Variants in CCDC102B observed in about 807,000 individuals in gnomAD.
CCDC102B encodes the protein coiled-coil domain-containing protein 102B.
CCDC102B carries 75 observed loss-of-function variants against 57.4 expected under a neutral mutation model. That is an observed-to-expected ratio of 1.31 (90% confidence interval 1.08 to 1.58). The LOEUF (loss-of-function observed/expected upper bound fraction) is 1.58. Ranked by LOEUF, CCDC102B falls within the 40% of genes most tolerant of loss-of-function variation. The pLI, the probability that CCDC102B is intolerant of heterozygous loss-of-function variation, is 0.00. For synonymous variants in CCDC102B, 206 were observed against 201.9 expected (o/e 1.02, Z -0.17); for missense variants, 636 against 582.6 (o/e 1.09, Z -0.94).
At chr18:68,751,806 A>G (rs1435669974) in intron 2 of CCDC102B, among the ~76,000 whole-genome samples, 1 of 152,214 alleles carries the variant, frequency 6.6e-6, no homozygotes, top group East Asian at 1.9e-4. Flanking sequence ...AACATTCAGG[A>G]AGATAATGAC....
intron 6 of CCDC102B, among the ~76,000 whole-genome samples, chr18:68,917,870 T>A (rs1368900340): frequency 6.6e-6 from 1 of 152,196 alleles, no homozygotes; most frequent in Non-Finnish European, 1.5e-5. Flanking sequence ...TATAAAAAGT[T>A]ATTTTTATTG....
intron 6 of CCDC102B, among the ~76,000 whole-genome samples, chr18:69,002,148 T>C (rs953314124): frequency 2.0e-5 from 3 of 152,174 alleles, no homozygotes; most frequent in African/African-American, 7.2e-5. Flanking sequence ...GAGAACACTG[T>C]ATCAGCTTGA....
chr18:69,048,615 G>A (rs1289023473), intron 7 of CCDC102B, among the ~76,000 whole-genome samples: 2 of 151,838 alleles, frequency 1.3e-5, no homozygotes, highest in African/African-American at 2.4e-5. Flanking sequence ...ATATTATTTG[G>A]GAGTTCATTA....
intron 6 of CCDC102B, among the ~76,000 whole-genome samples, chr18:68,977,983 C>T (rs2050485091): frequency 6.6e-6 from 1 of 151,960 alleles, no homozygotes; most frequent in Non-Finnish European, 1.5e-5. Flanking sequence ...GTGGTCTACT[C>T]CCTACCTGTG....
At chr18:68,902,669 T>G (rs2040496134) in intron 6 of CCDC102B, among the ~76,000 whole-genome samples, 1 of 152,204 alleles carries the variant, frequency 6.6e-6, no homozygotes, top group South Asian at 2.1e-4. Context: ...TGTTGCAGCT[T>G]CTGGCAGCCC....
In CCDC102B at chr18:68,836,846, A is replaced by G. The variant is rs2093692404; in HGVS notation, c.83A>G (p.Asp28Gly). The change falls in exon 2 of 8, where the codon GAC becomes GGC. Residue 28 changes from aspartate (D) to glycine (G), a missense_variant. Coordinates refer to ENST00000360242, the MANE Select transcript of CCDC102B (RefSeq NM_024781.3). ...CAATCATCAATTAAGTCACGCGGCGACATGGTGGCACCTGCCTCACCCCCC... is the reference window on the plus strand; with the variant it reads ...CAATCATCAATTAAGTCACGCGGCGGCATGGTGGCACCTGCCTCACCCCCC... ...MQQSSIKSRG[D>G]MVAPASPPRD... 6.2e-6 allele frequency: 10 copies of G among 1,613,904 alleles called. No individual in the cohort carries two copies. Among genetic ancestry groups the G allele is most frequent in the Admixed American group, 3.3e-5 (2 of 59,996 alleles).
intron 7 of CCDC102B, among the ~76,000 whole-genome samples, chr18:69,020,275 G>C (rs1179142161): frequency 1.3e-5 from 2 of 152,024 alleles, no homozygotes; most frequent in Admixed American, 6.6e-5. Context: ...GTTCTATTTT[G>C]AGTAAGAGGA....
intron 6 of CCDC102B, among the ~76,000 whole-genome samples, chr18:68,913,008 C>G (rs1224796319): frequency 6.6e-6 from 1 of 152,104 alleles, no homozygotes; most frequent in African/African-American, 2.4e-5. Flanking sequence ...TGTACTCTTT[C>G]TAGTTGCTGG....
At chr18:69,030,726 C>T (rs2052117239) in intron 7 of CCDC102B, among the ~76,000 whole-genome samples, 1 of 152,164 alleles carries the variant, frequency 6.6e-6, no homozygotes, top group Admixed American at 6.5e-5. Context: ...GTGATCTCGG[C>T]TCACTGCAAC....
intron 4 of CCDC102B, among the ~76,000 whole-genome samples, chr18:68,860,483 A>C (rs1028762770): frequency 2.3e-5 from 3 of 131,682 alleles, no homozygotes; most frequent in African/African-American, 5.5e-5. Flanking sequence ...AACAAAAAAA[A>C]AAAAAGACAC....
chr18:68,799,855 A>G (rs996074874), intron 1 of CCDC102B, among the ~76,000 whole-genome samples: 1 of 152,172 alleles, frequency 6.6e-6, no homozygotes, highest in African/African-American at 2.4e-5. Context: ...CAGACGTTGT[A>G]CTCAATACAT....
At chr18:69,013,890 GAAC>G (rs1348182556) in intron 7 of CCDC102B, among the ~76,000 whole-genome samples, 1 of 152,102 alleles carries the variant, frequency 6.6e-6, no homozygotes, top group African/African-American at 2.4e-5. Context: ...GGATGTTTTT[GAAC>G]AATAAATGCC....
intron 6 of CCDC102B, among the ~76,000 whole-genome samples, chr18:68,998,989 TATATATATATAGAGAGAGAGAGAGAG>T (rs1389163455): frequency 4.0e-5 from 3 of 75,092 alleles, no homozygotes; most frequent in Non-Finnish European, 8.2e-5. Flanking sequence ...TATATATATA[TATATATATATAGAGAGAGAGAGAGAG>T]AGAGAGAGAG....
chr18:68,993,996 T>A (rs992386595), intron 6 of CCDC102B, among the ~76,000 whole-genome samples: 7 of 152,144 alleles, frequency 4.6e-5, no homozygotes, highest in Non-Finnish European at 7.4e-5. Flanking sequence ...CTAGTTTAAC[T>A]CATTTATTTT....
intron 5 of CCDC102B, among the ~76,000 whole-genome samples, chr18:68,894,909 T>A (rs759626255): frequency 1.1e-4 from 17 of 151,912 alleles, no homozygotes; most frequent in Non-Finnish European, 2.2e-4. Flanking sequence ...TGTTATCTGT[T>A]ATTTAATGTT....
chr18:69,047,238 A>G (rs1225485565), intron 7 of CCDC102B, among the ~76,000 whole-genome samples: 1 of 152,122 alleles, frequency 6.6e-6, no homozygotes, highest in South Asian at 2.1e-4. Context: ...TATCCCTGGG[A>G]TGGCAATCAA....
At chr18:68,913,274 G>C (rs568014946) in intron 6 of CCDC102B, among the ~76,000 whole-genome samples, 2 of 147,130 alleles carry the variant, frequency 1.4e-5, no homozygotes, top group Admixed American at 1.4e-4. Context: ...GCTTTTTGAT[G>C]AACTTTTATT....
chr18:68,768,236 G>A (rs1432104671), intron 2 of CCDC102B, among the ~76,000 whole-genome samples: 2 of 152,150 alleles, frequency 1.3e-5, no homozygotes, highest in Non-Finnish European at 2.9e-5. Context: ...TCCTCTGAAG[G>A]CAGCAAAGAC....
intron 7 of CCDC102B, among the ~76,000 whole-genome samples, chr18:69,043,269 AACGTAC>A (rs1333151448): frequency 6.6e-6 from 1 of 152,112 alleles, no homozygotes; most frequent in African/African-American, 2.4e-5. Context: ...CAGTAGATGG[AACGTAC>A]AATTGGGTTT....
Sources: allele counts gnomAD v4.1 joint callset (sites outside exome capture counted in the v4.1 genomes callset), GRCh38; gene constraint gnomAD v4.1.1; transcripts MANE v1.5; gene names NCBI Gene and HGNC (gene_info 2026-07-23, HGNC 2026-07-21).